MAP3K5: variants seen among roughly 807,000 people sequenced by gnomAD.
MAP3K5 encodes the protein ASK-1.
In MAP3K5, 56 loss-of-function variants were observed where a neutral mutation model predicts 158.7. That is an observed-to-expected ratio of 0.35 (90% CI 0.28 to 0.44). MAP3K5 has a LOEUF of 0.44. Among genes scored for constraint, MAP3K5 ranks in the 20% least tolerant of loss-of-function variants. The pLI is 1.00. For synonymous variants in MAP3K5, 579 were observed against 601.7 expected, an observed-to-expected ratio of 0.96 and a Z score of 0.55; for missense variants, 1,294 against 1,674.8, an observed-to-expected ratio of 0.77 and a Z score of 3.97.
At chr6:136,697,890 G>A (rs1236560291) in intron 4 of MAP3K5, among the ~76,000 whole-genome samples, 1 of 152,060 alleles carries the variant, frequency 6.6e-6, no homozygotes, top group Non-Finnish European at 1.5e-5. Flanking sequence ...GATTACAGGT[G>A]TGCACCACCA....
At chr6:136,567,075 T>G (rs1378566903) in intron 26 of MAP3K5, among the ~76,000 whole-genome samples, 1 of 152,246 alleles carries the variant, frequency 6.6e-6, no homozygotes, top group Non-Finnish European at 1.5e-5. Context: ...GTTAATAATC[T>G]GATCCTGTGG....
chr6:136,710,830 T>C (rs1781275453), intron 2 of MAP3K5, among the ~76,000 whole-genome samples: 1 of 152,180 alleles, frequency 6.6e-6, no homozygotes, highest in African/African-American at 2.4e-5. Flanking sequence ...TCCGTTCTGA[T>C]CCATCTTTCT....
intron 15 of MAP3K5, among the ~76,000 whole-genome samples, chr6:136,619,733 G>A (rs757282257): frequency 1.5e-4 from 23 of 152,186 alleles, no homozygotes; most frequent in Admixed American, 8.5e-4. Context: ...GAGTCCCAGC[G>A]ACAGGCCTGA....
intron 8 of MAP3K5, among the ~76,000 whole-genome samples, chr6:136,664,074 G>A (rs9494551): frequency 0.11 from 16,523 of 152,096 alleles, 1,604 homozygotes; most frequent in East Asian, 0.28. Context: ...GAGGTGAGTA[G>A]CAGGCAAGTG....
intron 25 of MAP3K5, among the ~76,000 whole-genome samples, chr6:136,572,239 A>G (rs1052827489): frequency 6.6e-6 from 1 of 152,220 alleles, no homozygotes; most frequent in African/African-American, 2.4e-5. Context: ...ATTATTCTTC[A>G]ATTTATTTCA....
At chr6:136,673,532 C>G (rs1438143263) in intron 7 of MAP3K5, among the ~76,000 whole-genome samples, 2 of 151,776 alleles carry the variant, frequency 1.3e-5, no homozygotes, top group Non-Finnish European at 2.9e-5. Context: ...AAGATATAAA[C>G]AACTTCAAAA....
At chr6:136,767,662 A>G (rs1173876239) in intron 1 of MAP3K5, among the ~76,000 whole-genome samples, 1 of 152,234 alleles carries the variant, frequency 6.6e-6, no homozygotes, top group African/African-American at 2.4e-5. Context: ...AGGAAGATCT[A>G]ACTGCCTTTT....
At chr6:136,654,352 A>T (rs899718926) in intron 10 of MAP3K5, among the ~76,000 whole-genome samples, 1 of 152,248 alleles carries the variant, frequency 6.6e-6, no homozygotes, top group Non-Finnish European at 1.5e-5. Context: ...GCAAAAAAAT[A>T]GTGTCTCACT....
At position 136,650,929 on chromosome 6, in the gene MAP3K5, A is replaced by C. The variant is rs1778491912; in HGVS notation, c.1788+55T>G. 7 of 1,053,134 alleles carry C rather than the reference A, an allele frequency of 6.6e-6. 1 individual carries two copies. The South Asian group carries it at 9.6e-5, about 14-fold the overall frequency. 65.2% of individuals were successfully genotyped at this position (1,053,134 alleles called of 1,614,324 possible). On this transcript the variant is annotated intron_variant, in intron 11 of 29. Coordinates refer to ENST00000359015, the MANE Select transcript of MAP3K5 (RefSeq NM_005923.4). ...TTTGCTGGAGTATGTAAATGCTAGA[A>C]GGGTGTAAAGTCCCTTGTTACTAAT...
intron 1 of MAP3K5, among the ~76,000 whole-genome samples, chr6:136,753,201 T>G (rs947534597): frequency 6.6e-6 from 1 of 152,252 alleles, no homozygotes; most frequent in Non-Finnish European, 1.5e-5. Flanking sequence ...CTTTAAGTAC[T>G]TTTGTTTTTA....
chr6:136,602,320 A>T (rs1397877994), intron 19 of MAP3K5, among the ~76,000 whole-genome samples: 4 of 151,930 alleles, frequency 2.6e-5, no homozygotes, highest in Non-Finnish European at 5.9e-5. Context: ...CTTTTTTTTG[A>T]GACAGGATCT....
At chr6:136,576,513 G>T (rs112904142) in intron 25 of MAP3K5, among the ~76,000 whole-genome samples, 314 of 151,874 alleles carry the variant, frequency 2.1e-3, no homozygotes, top group African/African-American at 7.1e-3. Flanking sequence ...TGATATTTTG[G>T]CCAGGCTGGT....
At chr6:136,761,266 T>C (rs891994810) in intron 1 of MAP3K5, among the ~76,000 whole-genome samples, 2 of 58,330 alleles carry the variant, frequency 3.4e-5, no homozygotes, top group Non-Finnish European at 7.2e-5. Context: ...GGCACAAGAA[T>C]AAAGAAAATA....
intron 3 of MAP3K5, among the ~76,000 whole-genome samples, chr6:136,702,025 A>G (rs1487462469): frequency 6.6e-6 from 1 of 152,220 alleles, no homozygotes; most frequent in Non-Finnish European, 1.5e-5. Flanking sequence ...AATAATGACT[A>G]CGCAAACAGC....
At chr6:136,576,343 G>A (rs1049752448) in intron 25 of MAP3K5, among the ~76,000 whole-genome samples, 6 of 152,150 alleles carry the variant, frequency 3.9e-5, no homozygotes, top group Admixed American at 2.0e-4. Flanking sequence ...ATGGGGTCTC[G>A]CTCTGTCGCT....
intron 6 of MAP3K5, 21 bp downstream of exon 6, chr6:136,695,930 A>G: frequency 1.4e-6 from 2 of 1,450,674 alleles, no homozygotes. Context: ...CGCATTCTGG[A>G]AGGGAACTTT....
intron 3 of MAP3K5, among the ~76,000 whole-genome samples, chr6:136,702,345 T>C (rs1780889917): frequency 6.6e-6 from 1 of 152,192 alleles, no homozygotes; most frequent in Non-Finnish European, 1.5e-5. Flanking sequence ...AGAAAAGCAC[T>C]TTTGCAAAAT....
At chr6:136,608,584 C>A (rs947061337) in intron 18 of MAP3K5, among the ~76,000 whole-genome samples, 2 of 152,052 alleles carry the variant, frequency 1.3e-5, no homozygotes, top group Admixed American at 6.6e-5. Flanking sequence ...GTGCCGGGGA[C>A]AGGTTTGGGA....
intron 9 of MAP3K5, among the ~76,000 whole-genome samples, chr6:136,657,194 A>G (rs1225594793): frequency 6.6e-6 from 1 of 152,248 alleles, no homozygotes; most frequent in African/African-American, 2.4e-5. Context: ...CTCAGCTTAT[A>G]TATTATACAA....
Sources: gnomAD v4.1 joint callset for allele counts (sites outside exome capture counted in the v4.1 genomes callset) on GRCh38, gnomAD v4.1.1 for gene constraint, MANE v1.5 for transcripts, NCBI Gene and HGNC (gene_info 2026-07-23, HGNC 2026-07-21) for gene names.